Variants in PHACTR1 observed in about 807,000 individuals in gnomAD.
PHACTR1 encodes the protein RPEL repeat containing 1.
Under a neutral mutation model 69.2 loss-of-function variants are expected in PHACTR1, and 16 were observed. The ratio of observed to expected loss-of-function variants is 0.23; its 90% CI spans 0.16 to 0.35. The LOEUF (loss-of-function observed/expected upper bound fraction) is 0.35. Ranked by LOEUF, PHACTR1 falls within the 10% of genes least tolerant of loss-of-function variation. The probability of loss-of-function intolerance (pLI) is 1.00; values close to 1 mark genes in which losing one functional copy is unlikely to be tolerated. For synonymous variants in PHACTR1, 312 were observed against 284.5 expected (o/e 1.10, Z -0.97); for missense variants, 510 against 734.7 (o/e 0.69, Z 3.54).
intron 5 of PHACTR1, among the ~76,000 whole-genome samples, chr6:13,142,194 C>G (rs1000445262): frequency 3.3e-5 from 5 of 152,162 alleles, no homozygotes; most frequent in African/African-American, 1.2e-4. Context: ...TGTCTGCCTC[C>G]TGGGTTCAAG....
intron 4 of PHACTR1, among the ~76,000 whole-genome samples, chr6:13,001,718 T>C (rs1407402731): frequency 6.6e-6 from 1 of 152,230 alleles, no homozygotes; most frequent in African/African-American, 2.4e-5. Context: ...GGGGAAGCAC[T>C]GTCTTGTTTC....
intron 4 of PHACTR1, among the ~76,000 whole-genome samples, chr6:13,041,947 A>G (rs1804249105): frequency 6.6e-6 from 1 of 152,148 alleles, no homozygotes; most frequent in Non-Finnish European, 1.5e-5. Flanking sequence ...GTACAAAACG[A>G]TACTCAACAT....
chr6:12,915,092 G>T (rs879186), intron 4 of PHACTR1, among the ~76,000 whole-genome samples: 1 of 152,218 alleles, frequency 6.6e-6, no homozygotes, highest in South Asian at 2.1e-4. Flanking sequence ...GCAAGCCAGA[G>T]CAGTGAGGTG....
chr6:12,797,723 C>T (rs1353981743), intron 4 of PHACTR1, among the ~76,000 whole-genome samples: 1 of 152,114 alleles, frequency 6.6e-6, no homozygotes, highest in African/African-American at 2.4e-5. Context: ...CACACTCCAG[C>T]CACACTGTCC....
intron 4 of PHACTR1, among the ~76,000 whole-genome samples, chr6:12,771,049 A>G (rs1398398030): frequency 1.3e-5 from 2 of 152,342 alleles, no homozygotes; most frequent in Admixed American, 1.3e-4. Context: ...AGGGAGCTGG[A>G]CAAGGCAGGG....
chr6:13,222,645 T>C (rs4711939), intron 8 of PHACTR1, among the ~76,000 whole-genome samples: 94,556 of 152,118 alleles, frequency 0.62, 30,310 homozygotes, highest in Admixed American at 0.71. Flanking sequence ...GCAAAGCCAC[T>C]GTGGATGCTC....
chr6:12,826,484 T>A (rs1776816691), intron 4 of PHACTR1, among the ~76,000 whole-genome samples: 1 of 152,196 alleles, frequency 6.6e-6, no homozygotes, highest in Non-Finnish European at 1.5e-5. Context: ...GCCTGTGAGA[T>A]TATCATCTCC....
chr6:13,101,060 A>AT (rs776074541), intron 5 of PHACTR1, among the ~76,000 whole-genome samples: 2 of 152,180 alleles, frequency 1.3e-5, no homozygotes, highest in Non-Finnish European at 2.9e-5. Context: ...GTCTTAGTCC[A>AT]TTTTGTGTTG....
chr6:13,217,176 C>T (rs373495014), intron 8 of PHACTR1, among the ~76,000 whole-genome samples: 15 of 152,274 alleles, frequency 9.9e-5, no homozygotes, highest in South Asian at 4.2e-4. Flanking sequence ...CTAGTTAAAA[C>T]GGCAACTCTC....
chr6:12,877,673 T>C (rs1055539240), intron 4 of PHACTR1, among the ~76,000 whole-genome samples: 5 of 152,186 alleles, frequency 3.3e-5, no homozygotes, highest in African/African-American at 1.2e-4. Flanking sequence ...CTCCCACCTC[T>C]TCTTGGATGA....
intron 4 of PHACTR1, among the ~76,000 whole-genome samples, chr6:13,006,604 CTTATA>C (rs562366430): frequency 3.0e-4 from 45 of 151,874 alleles, no homozygotes; most frequent in African/African-American, 9.4e-4. Context: ...ATATACACAA[CTTATA>C]TTAAATAAGG....
intron 10 of PHACTR1, among the ~76,000 whole-genome samples, chr6:13,238,887 G>GAT (rs1772401146): frequency 1.3e-5 from 2 of 152,190 alleles, no homozygotes; most frequent in Non-Finnish European, 2.9e-5. Flanking sequence ...AGTGTCCCTG[G>GAT]ATACGTGTCA....
At chr6:12,958,549 G>A (rs918205007) in intron 4 of PHACTR1, among the ~76,000 whole-genome samples, 3 of 152,210 alleles carry the variant, frequency 2.0e-5, no homozygotes, top group African/African-American at 4.8e-5. Flanking sequence ...GGCTTGCTGC[G>A]TGGAGATAGA....
intron 8 of PHACTR1, among the ~76,000 whole-genome samples, chr6:13,224,543 C>CT (rs1213238351): frequency 1.3e-5 from 2 of 152,072 alleles, no homozygotes; most frequent in African/African-American, 4.8e-5. Flanking sequence ...TTTCACCTTC[C>CT]TTTCGGAATG....
chr6:13,283,376 G>A lies in PHACTR1; in HGVS notation c.1510-46G>A, dbSNP rs766365300. ...TTCACAGACAGGACCAAGTGCCATGGTCAACCCTTCTGGCTGACTGGGTCC... is the reference window on the plus strand; with the variant it reads ...TTCACAGACAGGACCAAGTGCCATGATCAACCCTTCTGGCTGACTGGGTCC... On this transcript the variant is annotated intron_variant, in intron 12 of 14. Transcript: ENST00000332995. The surrounding 1 kb of genome is among the most constrained non-coding windows in gnomAD (Gnocchi z 4.7). 1 of 1,606,146 alleles carries A rather than the reference G, an allele frequency of 6.2e-7. No homozygotes were observed. The highest frequency in any genetic ancestry group is 1.7e-5 in the Admixed American group (1 of 59,806).
intron 4 of PHACTR1, among the ~76,000 whole-genome samples, chr6:12,857,093 T>A (rs1237754066): frequency 6.6e-6 from 1 of 152,178 alleles, no homozygotes; most frequent in African/African-American, 2.4e-5. Context: ...AAAAACAATT[T>A]CCTCTTCTTA....
chr6:12,793,386 T>G (rs1772575509), intron 4 of PHACTR1, among the ~76,000 whole-genome samples: 7 of 152,262 alleles, frequency 4.6e-5, no homozygotes, highest in Admixed American at 4.6e-4. Context: ...GGAACAAGTC[T>G]TAACTGAATG....
At chr6:12,861,351 A>C (rs1334199583) in intron 4 of PHACTR1, among the ~76,000 whole-genome samples, 1 of 152,246 alleles carries the variant, frequency 6.6e-6, no homozygotes. Context: ...GACTACACAC[A>C]GGTCCTGTTA....
intron 4 of PHACTR1, among the ~76,000 whole-genome samples, chr6:12,780,704 G>C (rs1770711240): frequency 6.6e-6 from 1 of 152,184 alleles, no homozygotes; most frequent in Non-Finnish European, 1.5e-5. Context: ...TTGAGGGCAT[G>C]CATTCAAGCT....
Sources: gnomAD v4.1 joint callset for allele counts (sites outside exome capture counted in the v4.1 genomes callset) on GRCh38, gnomAD v4.1.1 for gene constraint, Gnocchi (gnomAD v3.1) non-coding constraint, MANE v1.5 for transcripts, NCBI Gene and HGNC (gene_info 2026-07-23, HGNC 2026-07-21) for gene names.